The following IKZF3 variants were observed in gnomAD, a reference collection of about 807,000 sequenced individuals.
IKZF3 encodes the protein zinc finger protein Aiolos.
IKZF3 carries 10 observed loss-of-function variants against 49.0 expected under a neutral mutation model. The observed-to-expected ratio is 0.20, with a 90% CI of 0.13 to 0.35. The LOEUF is 0.35. Among genes scored for constraint, IKZF3 ranks in the 10% least tolerant of loss-of-function variants. The pLI is 1.00. For synonymous variants in IKZF3, 209 were observed against 228.2 expected (o/e 0.92, Z 0.76); for missense variants, 498 against 664.8 (o/e 0.75, Z 2.76).
chr17:39,835,683 T>G, intron 1 of IKZF3: 1 of 460,350 alleles, frequency 2.2e-6, no homozygotes, highest in South Asian at 1.7e-5. Context: ...CACAGATGTG[T>G]CCAAGATCTG....
chr17:39,849,282 A>G (rs1227338285), intron 1 of IKZF3, among the ~76,000 whole-genome samples: 33 of 150,694 alleles, frequency 2.2e-4, no homozygotes, highest in African/African-American at 7.8e-4. Context: ...AAAACAATAC[A>G]AAAATTAGCC....
rs2061644888 is a variant in IKZF3 at position 39,814,950 on chromosome 17, G to A, written c.163+14437C>T. Among the ~76,000 whole-genome samples, 3 of 152,140 alleles carry A rather than the reference G, an allele frequency of 2.0e-5. No homozygotes were observed. In the South Asian group the frequency reaches 6.2e-4, roughly 32 times the overall value. On this transcript the variant is annotated intron_variant, in intron 3 of 7. Transcript: ENST00000346872. ...CAGGGTAAACAGCTAGTGTTGATGG[G>A]TATCGAGGTATCGTGTGTACTTTTT... is the stretch of plus-strand genomic sequence containing the variant.
chr17:39,797,349 CTTCTTTGTAA>C (rs1419784352), intron 3 of IKZF3, among the ~76,000 whole-genome samples: 1 of 152,170 alleles, frequency 6.6e-6, no homozygotes, highest in East Asian at 1.9e-4. Flanking sequence ...CTCTCTCCAA[CTTCTTTGTAA>C]TCCTCAACAC....
intron 3 of IKZF3, among the ~76,000 whole-genome samples, chr17:39,822,582 CTTTTTTT>C (rs536009534): frequency 1.5e-5 from 2 of 132,990 alleles, no homozygotes; most frequent in Non-Finnish European, 3.2e-5. Context: ...GTATTTCTTT[CTTTTTTT>C]TTTTTTTTTT....
At chr17:39,863,179 T>C (rs2063262328) in intron 1 of IKZF3, among the ~76,000 whole-genome samples, 1 of 152,130 alleles carries the variant, frequency 6.6e-6, no homozygotes, top group African/African-American at 2.4e-5. Flanking sequence ...TGCAAAATTT[T>C]TAAAGTTTTC....
intron 6 of IKZF3, among the ~76,000 whole-genome samples, chr17:39,782,194 C>G (rs975054809): frequency 6.6e-6 from 1 of 152,142 alleles, no homozygotes; most frequent in African/African-American, 2.4e-5. Context: ...AACTGCTAGT[C>G]TTTTGCCTCA....
At chr17:39,801,427 A>T (rs1362527160) in intron 3 of IKZF3, among the ~76,000 whole-genome samples, 1 of 152,188 alleles carries the variant, frequency 6.6e-6, no homozygotes, top group Non-Finnish European at 1.5e-5. Flanking sequence ...GCATCTAAAT[A>T]GTTTACCAGG....
At chr17:39,800,478 T>C (rs770415687) in intron 3 of IKZF3, among the ~76,000 whole-genome samples, 11 of 152,198 alleles carry the variant, frequency 7.2e-5, no homozygotes, top group Middle Eastern at 3.2e-3. Context: ...AAACCACAAA[T>C]TGCTGATAAA....
At chr17:39,860,143 C>T (rs1334479484) in intron 1 of IKZF3, among the ~76,000 whole-genome samples, 1 of 152,052 alleles carries the variant, frequency 6.6e-6, no homozygotes, top group African/African-American at 2.4e-5. Flanking sequence ...GTGGTGGATG[C>T]CTGTAGTCCT....
intron 3 of IKZF3, among the ~76,000 whole-genome samples, chr17:39,811,496 C>CA (rs2061560729): frequency 6.6e-6 from 1 of 152,122 alleles, no homozygotes; most frequent in Admixed American, 6.5e-5. Flanking sequence ...AGCTCAATGG[C>CA]AGCAGTCTTC....
intron 3 of IKZF3, among the ~76,000 whole-genome samples, chr17:39,819,004 C>T (rs923387313): frequency 2.6e-5 from 4 of 152,138 alleles, no homozygotes; most frequent in African/African-American, 9.7e-5. Context: ...CCCCTAGCAA[C>T]TGAGAAAAAT....
intron 3 of IKZF3, among the ~76,000 whole-genome samples, chr17:39,794,383 A>G (rs1048429576): frequency 5.9e-5 from 9 of 152,256 alleles, no homozygotes; most frequent in Non-Finnish European, 4.4e-5. Flanking sequence ...TCCCTTCCAA[A>G]AAACATCAGT....
chr17:39,786,530 C>T (rs552825184), intron 6 of IKZF3, among the ~76,000 whole-genome samples: 1 of 152,290 alleles, frequency 6.6e-6, no homozygotes, highest in Admixed American at 6.5e-5. Context: ...AAGCATGCCA[C>T]TTAAGATGTC....
At chr17:39,847,510 CTGAAA>C (rs2062670215) in intron 1 of IKZF3, among the ~76,000 whole-genome samples, 1 of 152,220 alleles carries the variant, frequency 6.6e-6, no homozygotes, top group African/African-American at 2.4e-5. Flanking sequence ...CTCAAATTTA[CTGAAA>C]TGTCTATTTC....
intron 1 of IKZF3, among the ~76,000 whole-genome samples, chr17:39,845,254 G>T (rs1468208342): frequency 6.6e-6 from 1 of 152,134 alleles, no homozygotes; most frequent in Non-Finnish European, 1.5e-5. Flanking sequence ...AGGCACGGTG[G>T]CTCATGCCTG....
Position 39,829,471 on chromosome 17 carries a change from T to C in IKZF3, c.79A>G (p.Asn27Asp). The C allele has an allele frequency of 6.2e-7, 1 of 1,613,250 alleles. No individual in the cohort carries two copies. Among genetic ancestry groups the C allele is most frequent in the African/African-American group, 1.3e-5 (1 of 75,038 alleles). ...TGAGATTTGGTTAAACTGTAGTCAT[T>C]CAAAACCGCTGCACTTTCTAAAAGA... ...SVPAESAAVLNDYSLTKSHEM... is the reference protein window; with the variant it reads ...SVPAESAAVLDDYSLTKSHEM... Residue 27 changes from asparagine (N) to aspartate (D), a missense_variant, in exon 3 of 8, where the codon AAT becomes GAT. Around this residue, in one of 3 missense-constraint regions of IKZF3, gnomAD observed 97 missense variants for 98.9 expected, o/e 0.98. Coordinates refer to ENST00000346872, the MANE Select transcript of IKZF3 (RefSeq NM_012481.5).
At chr17:39,788,615 G>A (rs1314871840) in intron 5 of IKZF3, among the ~76,000 whole-genome samples, 1 of 152,160 alleles carries the variant, frequency 6.6e-6, no homozygotes, top group Non-Finnish European at 1.5e-5. Context: ...GAAGAATTTG[G>A]ATTTAGTGAT....
intron 1 of IKZF3, among the ~76,000 whole-genome samples, chr17:39,855,997 TATGTAC>T (rs2063034227): frequency 6.7e-6 from 1 of 150,370 alleles, no homozygotes; most frequent in African/African-American, 2.5e-5. Flanking sequence ...GTATATTGTA[TATGTAC>T]AATATAACAT....
At position 39,766,412 on chromosome 17, in the gene IKZF3, A is replaced by G; in HGVS notation, c.908T>C (p.Met303Thr). ...EKESELIQTR[M>T]MDQAINNAIS... ...GGCGTTATTGATGGCTTGGTCCATC[A>G]TGCGGGTCTGTATGAGCTCACTCTC... is the stretch of plus-strand genomic sequence containing the variant. The change falls in exon 8 of 8, where the codon ATG becomes ACG. Residue 303 changes from methionine (M) to threonine (T), a missense_variant. Met to Thr is a moderately conservative substitution (Grantham distance 81, BLOSUM62 -1). Coordinates refer to ENST00000346872, the MANE Select transcript of IKZF3 (RefSeq NM_012481.5). 6.2e-7 allele frequency: 1 copy of G among 1,614,228 alleles called. No individual in the cohort carries two copies. The highest frequency in any genetic ancestry group is 8.5e-7 in the Non-Finnish European group (1 of 1,180,036).
Sources: gnomAD v4.1 joint callset for allele counts (sites outside exome capture counted in the v4.1 genomes callset) on GRCh38, gnomAD v4.1.1 for gene constraint, gnomAD v4.1.1 regional missense constraint, MANE v1.5 for transcripts, NCBI Gene and HGNC (gene_info 2026-07-23, HGNC 2026-07-21) for gene names.